The following IMMP2L variants were observed in gnomAD, a reference collection of about 807,000 sequenced individuals.
The protein encoded by IMMP2L is inner mitochondrial membrane peptidase subunit 2.
A neutral mutation model predicts 19.3 loss-of-function variants in IMMP2L; 18 were observed. The ratio of observed to expected loss-of-function variants is 0.93; its 90% CI spans 0.64 to 1.38. The LOEUF (loss-of-function observed/expected upper bound fraction) is 1.38, where lower values mean the gene tolerates loss of function less well. Ranked by LOEUF, IMMP2L falls within the 40% of genes most tolerant of loss-of-function variation. The pLI is 0.00. For missense variants in IMMP2L, 233 were observed against 218.2 expected, an observed-to-expected ratio of 1.07 and a Z score of -0.43; for synonymous variants, 76 against 73.0, an observed-to-expected ratio of 1.04 and a Z score of -0.21.
intron 3 of IMMP2L, among the ~76,000 whole-genome samples, chr7:111,135,155 T>C (rs1802213702): frequency 6.6e-6 from 1 of 152,146 alleles, no homozygotes; most frequent in Non-Finnish European, 1.5e-5. Flanking sequence ...TTAGCTTTAC[T>C]GAAACCAGAA....
chr7:111,028,992 T>A (rs1563174165), intron 3 of IMMP2L, among the ~76,000 whole-genome samples: 1 of 152,176 alleles, frequency 6.6e-6, no homozygotes, highest in African/African-American at 2.4e-5. Flanking sequence ...ATTAAAATTA[T>A]ACTTACATAA....
At chr7:111,490,865 T>A (rs1348478941) in intron 2 of IMMP2L, among the ~76,000 whole-genome samples, 1 of 152,156 alleles carries the variant, frequency 6.6e-6, no homozygotes, top group Non-Finnish European at 1.5e-5. Context: ...CAAGACACTG[T>A]TTAACAGCTT....
At chr7:111,292,683 G>A (rs1541472) in intron 3 of IMMP2L, among the ~76,000 whole-genome samples, 49,003 of 151,708 alleles carry the variant, frequency 0.32, 8,696 homozygotes, top group South Asian at 0.6. Context: ...TGGGCCAGGT[G>A]GGTTTAGATT....
chr7:110,743,639 G>A (rs1223958652), intron 5 of IMMP2L, among the ~76,000 whole-genome samples: 6 of 152,138 alleles, frequency 3.9e-5, no homozygotes, highest in Non-Finnish European at 8.8e-5. Context: ...CAAGGAGGGC[G>A]AGCTGAAGCA....
chr7:110,812,915 T>G (rs1802147186), intron 5 of IMMP2L, among the ~76,000 whole-genome samples: 1 of 152,066 alleles, frequency 6.6e-6, no homozygotes. Flanking sequence ...CAAGTCTGTT[T>G]TTATTAAAAT....
chr7:111,345,503 A>G (rs1827448691), intron 3 of IMMP2L, among the ~76,000 whole-genome samples: 1 of 152,188 alleles, frequency 6.6e-6, no homozygotes, highest in South Asian at 2.1e-4. Context: ...AGAAGAAGAA[A>G]TAATGTATGG....
At chr7:110,702,177 C>G (rs1794334302) in intron 5 of IMMP2L, among the ~76,000 whole-genome samples, 1 of 152,014 alleles carries the variant, frequency 6.6e-6, no homozygotes, top group Non-Finnish European at 1.5e-5. Flanking sequence ...TCAAGTGATC[C>G]ACCTGCTTAG....
intron 3 of IMMP2L, among the ~76,000 whole-genome samples, chr7:111,126,092 G>C (rs189710757): frequency 5.5e-4 from 84 of 152,118 alleles, no homozygotes; most frequent in Admixed American, 4.4e-3. Context: ...CAAAGTATTG[G>C]GATTACAGGC....
chr7:110,691,303 T>C (rs1409704012), intron 5 of IMMP2L, among the ~76,000 whole-genome samples: 1 of 152,018 alleles, frequency 6.6e-6, no homozygotes, highest in Non-Finnish European at 1.5e-5. Context: ...TCTCTTACCA[T>C]ACACAAAAAT....
intron 3 of IMMP2L, among the ~76,000 whole-genome samples, chr7:111,059,038 A>T (rs1001823537): frequency 1.3e-5 from 2 of 151,848 alleles, no homozygotes; most frequent in Non-Finnish European, 2.9e-5. Flanking sequence ...GCTGGAGTGC[A>T]GTGGCGCAAT....
intron 3 of IMMP2L, among the ~76,000 whole-genome samples, chr7:111,485,214 CTT>C (rs1317187599): frequency 2.0e-5 from 3 of 152,144 alleles, no homozygotes; most frequent in South Asian, 2.1e-4. Context: ...ACTAAGCACT[CTT>C]TTATGTAAAT....
intron 3 of IMMP2L, among the ~76,000 whole-genome samples, chr7:111,228,415 TA>T (rs1813338824): frequency 6.6e-6 from 1 of 151,166 alleles, no homozygotes; most frequent in African/African-American, 2.4e-5. Context: ...GAAAAACTTT[TA>T]TTAAAAAAAA....
chr7:110,738,910 A>G (rs1387630603), intron 5 of IMMP2L, among the ~76,000 whole-genome samples: 4 of 152,214 alleles, frequency 2.6e-5, no homozygotes, highest in Admixed American at 6.5e-5. Context: ...GTCCTATTTT[A>G]AGCCTCGTTA....
At chr7:110,925,736 C>T (rs1814775727) in intron 4 of IMMP2L, among the ~76,000 whole-genome samples, 1 of 152,056 alleles carries the variant, frequency 6.6e-6, no homozygotes, top group South Asian at 2.1e-4. Context: ...GAGTAGACTG[C>T]TCATGTGTAC....
At chr7:111,512,254 T>G (rs1845517457) in intron 2 of IMMP2L, among the ~76,000 whole-genome samples, 1 of 152,048 alleles carries the variant, frequency 6.6e-6, no homozygotes, top group South Asian at 2.1e-4. Context: ...AAAAATCTAG[T>G]AAGTAAAAGA....
chr7:111,180,364 G>C (rs954581257), intron 3 of IMMP2L, among the ~76,000 whole-genome samples: 2 of 151,940 alleles, frequency 1.3e-5, no homozygotes, highest in East Asian at 3.9e-4. Flanking sequence ...CAAATAAGGA[G>C]GCCTGAGGAG....
At chr7:110,893,938 C>T (rs905446292) in intron 4 of IMMP2L, among the ~76,000 whole-genome samples, 2 of 152,048 alleles carry the variant, frequency 1.3e-5, no homozygotes, top group African/African-American at 4.8e-5. Context: ...TTCTCTCCAC[C>T]AGGCATGGCA....
At chr7:111,537,712 T>G (rs1420584029) in intron 1 of IMMP2L, among the ~76,000 whole-genome samples, 2 of 151,728 alleles carry the variant, frequency 1.3e-5, no homozygotes, top group Non-Finnish European at 2.9e-5. Context: ...ATTTTTGTAT[T>G]TTTTGTAGAG....
chr7:111,058,475 C>T (rs1793713956), intron 3 of IMMP2L, among the ~76,000 whole-genome samples: 1 of 152,072 alleles, frequency 6.6e-6, no homozygotes, highest in Non-Finnish European at 1.5e-5. Flanking sequence ...ACAGTCTATT[C>T]TCATTAAATA....
Sources: gnomAD v4.1 joint callset for allele counts (sites outside exome capture counted in the v4.1 genomes callset) on GRCh38, gnomAD v4.1.1 for gene constraint, MANE v1.5 for transcripts, NCBI Gene and HGNC (gene_info 2026-07-23, HGNC 2026-07-21) for gene names.